Variants in PLCB1 observed in about 807,000 individuals in gnomAD.
The protein encoded by PLCB1 is 1-phosphatidylinositol 4,5-bisphosphate phosphodiesterase beta-1.
A neutral mutation model predicts 161.8 loss-of-function variants in PLCB1; 46 were observed. The ratio of observed to expected loss-of-function variants is 0.28; its 90% CI spans 0.22 to 0.36. PLCB1 has a LOEUF of 0.36. Ranked by LOEUF, PLCB1 falls within the 10% of genes least tolerant of loss-of-function variation. The probability of loss-of-function intolerance (pLI) is 1.00; values close to 1 mark genes in which losing one functional copy is unlikely to be tolerated. For missense variants in PLCB1, 1,016 were observed against 1,472.5 expected (o/e 0.69, Z 5.07); for synonymous variants, 517 against 503.7 (o/e 1.03, Z -0.35).
intron 2 of PLCB1, among the ~76,000 whole-genome samples, chr20:8,209,103 T>C (rs997418948): frequency 1.3e-5 from 2 of 152,104 alleles, no homozygotes; most frequent in Non-Finnish European, 2.9e-5. Context: ...GTTCTATGGA[T>C]TGTACAGATG....
chr20:8,467,695 T>C (rs1260870369), intron 3 of PLCB1, among the ~76,000 whole-genome samples: 1 of 152,180 alleles, frequency 6.6e-6, no homozygotes, highest in Non-Finnish European at 1.5e-5. Flanking sequence ...ATAGCATCCA[T>C]CCTTTTCTCC....
intron 1 of PLCB1, among the ~76,000 whole-genome samples, chr20:8,139,453 TTG>T (rs1404005485): frequency 1.3e-5 from 2 of 152,068 alleles, no homozygotes; most frequent in Non-Finnish European, 2.9e-5. Context: ...TTTTACTGAA[TTG>T]ACGTTTAATG....
chr20:8,487,014 A>C (rs1210666609), intron 3 of PLCB1, among the ~76,000 whole-genome samples: 1 of 152,256 alleles, frequency 6.6e-6, no homozygotes, highest in Non-Finnish European at 1.5e-5. Flanking sequence ...GAAATGCAGC[A>C]ATCAACATTT....
intron 21 of PLCB1, 22 bp downstream of exon 21, chr20:8,739,382 AC>A (rs754704469): frequency 6.9e-7 from 1 of 1,453,078 alleles, no homozygotes; most frequent in Non-Finnish European, 9.7e-7. Context: ...GTGCTGAGAA[AC>A]CTTTTATCAA....
intron 31 of PLCB1, among the ~76,000 whole-genome samples, chr20:8,836,901 A>C (rs902835280): frequency 1.3e-5 from 2 of 152,150 alleles, no homozygotes; most frequent in African/African-American, 4.8e-5. Flanking sequence ...TAGGACTAAG[A>C]TCACTGAAAA....
intron 13 of PLCB1, among the ~76,000 whole-genome samples, chr20:8,717,136 G>A (rs1979360983): frequency 6.6e-6 from 1 of 152,204 alleles, no homozygotes; most frequent in South Asian, 2.1e-4. Context: ...AGGGCTGGGA[G>A]GAAATCTGAA....
At chr20:8,523,496 C>CTCTCTATATATATATA in intron 3 of PLCB1, among the ~76,000 whole-genome samples, 10 of 51,654 alleles carry the variant, frequency 1.9e-4, no homozygotes, top group Non-Finnish European at 1.1e-4. Flanking sequence ...CTCTCTCTCT[C>CTCTCTATATATATATA]TATATATATA....
intron 2 of PLCB1, among the ~76,000 whole-genome samples, chr20:8,198,978 A>G (rs2052059891): frequency 6.6e-6 from 1 of 151,858 alleles, no homozygotes; most frequent in South Asian, 2.1e-4. Context: ...ACACGGACCC[A>G]TTACCCATTA....
At chr20:8,516,856 T>C (rs2050088) in intron 3 of PLCB1, among the ~76,000 whole-genome samples, 34,942 of 151,764 alleles carry the variant, frequency 0.23, 4,628 homozygotes, top group Middle Eastern at 0.34. Context: ...AAAGATTTCC[T>C]ATGTGCCCTT....
intron 2 of PLCB1, among the ~76,000 whole-genome samples, chr20:8,231,202 T>C (rs3803946): frequency 0.41 from 62,013 of 151,980 alleles, 14,399 homozygotes; most frequent in East Asian, 0.58. Flanking sequence ...TTGCTGTTGA[T>C]TTATTCTCTC....
At position 8,776,319 on chromosome 20, in the gene PLCB1, C is replaced by T. The variant is rs1823734288; in HGVS notation, c.3111+1600C>T. 2.6e-5 allele frequency among the ~76,000 whole-genome samples: 4 copies of T among 152,180 alleles called. No homozygotes were observed. In the South Asian group the frequency reaches 8.3e-4, roughly 32 times the overall value. ...AAGGATCCACAACTGGAAGGTGGTA[C>T]ATTTGGGATTTGAACCTTGGTCCTC... On this transcript the variant is annotated intron_variant, in intron 27 of 31. Transcript: ENST00000338037.
chr20:8,685,566 A>C (rs1205489063), intron 10 of PLCB1, among the ~76,000 whole-genome samples: 1 of 88,176 alleles, frequency 1.1e-5, no homozygotes, highest in Non-Finnish European at 2.6e-5. Flanking sequence ...CTCTACTAAA[A>C]ATACAAAAAA....
intron 2 of PLCB1, chr20:8,248,815 T>C (rs998280123): frequency 1.3e-4 from 20 of 152,046 alleles, no homozygotes; most frequent in African/African-American, 4.1e-4. Context: ...AGAGTATTAG[T>C]AGGTGAAGGA....
rs141575083 is a variant in PLCB1, at chr20:8,286,379, A to T, written c.178-85003A>T. On this transcript the variant is annotated intron_variant, in intron 2 of 31. Coordinates refer to ENST00000338037, the MANE Select transcript of PLCB1 (RefSeq NM_015192.4). ...CACCAAGTTTACGTGAATGCCATTA[A>T]CTTAGCCTGTTTACTGCCCTGATTC... is the stretch of plus-strand genomic sequence containing the variant. Among the ~76,000 whole-genome samples, 360 of 152,278 alleles carry T rather than the reference A, an allele frequency of 2.4e-3. 1 individual carries two copies. Among genetic ancestry groups the T allele is most frequent in the African/African-American group, 8.4e-3 (348 of 41,572 alleles).
At chr20:8,479,114 A>G (rs1217284168) in intron 3 of PLCB1, among the ~76,000 whole-genome samples, 1 of 152,200 alleles carries the variant, frequency 6.6e-6, no homozygotes, top group Non-Finnish European at 1.5e-5. Flanking sequence ...TATATGCACT[A>G]TAATTTACAT....
chr20:8,154,272 C>T (rs1439104213), intron 2 of PLCB1, among the ~76,000 whole-genome samples: 1 of 152,126 alleles, frequency 6.6e-6, no homozygotes, highest in Non-Finnish European at 1.5e-5. Flanking sequence ...CATGTTAGTA[C>T]ATGTGTATGT....
chr20:8,608,700 G>A (rs755535433), intron 3 of PLCB1, among the ~76,000 whole-genome samples: 31 of 152,064 alleles, frequency 2.0e-4, no homozygotes, highest in Non-Finnish European at 4.3e-4. Flanking sequence ...GAGTCAGCTG[G>A]CATAGCAACA....
intron 3 of PLCB1, among the ~76,000 whole-genome samples, chr20:8,514,805 TGTAAA>T (rs1277200027): frequency 1.3e-5 from 2 of 152,206 alleles, no homozygotes; most frequent in African/African-American, 4.8e-5. Flanking sequence ...TTTTGGTTCA[TGTAAA>T]GTAATTTTTC....
intron 3 of PLCB1, among the ~76,000 whole-genome samples, chr20:8,617,343 CTCA>C (rs1377849080): frequency 6.6e-6 from 1 of 152,134 alleles, no homozygotes; most frequent in Non-Finnish European, 1.5e-5. Flanking sequence ...ATACTCAAAA[CTCA>C]TCACTTTCTA....
Sources: allele counts gnomAD v4.1 joint callset (sites outside exome capture counted in the v4.1 genomes callset), GRCh38; gene constraint gnomAD v4.1.1; transcripts MANE v1.5; gene names NCBI Gene and HGNC (gene_info 2026-07-23, HGNC 2026-07-21).